Variants in NRXN1 observed in about 807,000 individuals in gnomAD.
NRXN1 encodes neurexin-1.
A neutral mutation model predicts 150.9 loss-of-function variants in NRXN1; 39 were observed. That is an observed-to-expected ratio of 0.26 (90% CI 0.20 to 0.34). The LOEUF (loss-of-function observed/expected upper bound fraction) is 0.34. NRXN1 is among the 10% of genes least tolerant of loss of function. The pLI is 1.00. For missense variants in NRXN1, 1,815 were observed against 1,949.9 expected (o/e 0.93, Z 1.30); for synonymous variants, 924 against 757.0 (o/e 1.22, Z -3.62).
intron 16 of NRXN1, among the ~76,000 whole-genome samples, chr2:50,470,503 C>T (rs1401744086): frequency 6.6e-6 from 1 of 151,766 alleles, no homozygotes; most frequent in African/African-American, 2.4e-5. Context: ...GAAACACATG[C>T]TGCACAGAGG....
rs373836694 is a variant in NRXN1, at chr2:50,481,920, T to C, written c.3071-9449A>G. On this transcript the variant is annotated intron_variant, in intron 15 of 22. Coordinates refer to ENST00000401669, the MANE Select transcript of NRXN1 (RefSeq NM_001330078.2). The stretch of plus-strand genomic sequence containing the variant: ...AGCTGGGACTACAGGCGCCCGCCAC[T>C]ACGCCCGGCTAATTTTTTTTTGTAT... Among the ~76,000 whole-genome samples, 39 of 145,428 alleles carry C rather than the reference T, an allele frequency of 2.7e-4. 1 individual carries two copies. In the East Asian group the frequency reaches 3.1e-3, roughly 12 times the overall value.
intron 21 of NRXN1, among the ~76,000 whole-genome samples, chr2:50,032,079 T>C (rs905422079): frequency 2.0e-5 from 3 of 152,050 alleles, no homozygotes; most frequent in Non-Finnish European, 2.9e-5. Context: ...ACCATTCAAT[T>C]AGAAAAGTAT....
chr2:50,197,542 A>G (rs1358692911), intron 18 of NRXN1, among the ~76,000 whole-genome samples: 5 of 152,046 alleles, frequency 3.3e-5, no homozygotes, highest in Admixed American at 6.6e-5. Flanking sequence ...CTTTTACACT[A>G]TTATATTTTG....
intron 17 of NRXN1, among the ~76,000 whole-genome samples, chr2:50,379,341 G>GC (rs1558631024): frequency 1.8e-4 from 28 of 151,926 alleles, no homozygotes; most frequent in Admixed American, 1.6e-3. Flanking sequence ...GAGAAAGGCT[G>GC]GAAAAAAAGG....
At chr2:50,288,971 G>C (rs1040689591) in intron 17 of NRXN1, among the ~76,000 whole-genome samples, 41 of 151,936 alleles carry the variant, frequency 2.7e-4, no homozygotes, top group African/African-American at 9.1e-4. Context: ...CAACAATTGA[G>C]CGGCTATAAG....
intron 18 of NRXN1, among the ~76,000 whole-genome samples, chr2:50,222,481 T>C (rs1377928272): frequency 6.6e-6 from 1 of 151,990 alleles, no homozygotes; most frequent in African/African-American, 2.4e-5. Context: ...TACAATGTTC[T>C]TAGAGGACAA....
At chr2:50,358,968 T>G (rs2079006101) in intron 17 of NRXN1, among the ~76,000 whole-genome samples, 1 of 151,668 alleles carries the variant, frequency 6.6e-6, no homozygotes, top group African/African-American at 2.4e-5. Flanking sequence ...CCCAGCAAAC[T>G]CCAGCAGAAC....
At chr2:50,506,831 G>T in intron 12 of NRXN1, 1 of 527,188 alleles carries the variant, frequency 1.9e-6, no homozygotes, top group South Asian at 2.8e-5. Context: ...AGCAAGCAAG[G>T]AAAATGACAA....
intron 3 of NRXN1, 41 bp from the exon 4 acceptor site, chr2:50,922,728 A>C (rs201427729): frequency 1.2e-6 from 2 of 1,603,692 alleles, no homozygotes; most frequent in Admixed American, 1.7e-5. Context: ...TAAACAAGGG[A>C]GCATGGGAAG....
intron 5 of NRXN1, among the ~76,000 whole-genome samples, chr2:50,805,925 C>T (rs1667450888): frequency 6.6e-6 from 1 of 152,148 alleles, no homozygotes; most frequent in South Asian, 2.1e-4. Flanking sequence ...ATTCTTTTCA[C>T]TACAGAACAT....
chr2:50,441,471 G>A (rs2085950408), intron 17 of NRXN1, among the ~76,000 whole-genome samples: 1 of 152,086 alleles, frequency 6.6e-6, no homozygotes, highest in African/African-American at 2.4e-5. Context: ...ACTTTAGTAT[G>A]ATATTAAAAT....
chr2:50,379,830 G>T (rs1354804340), intron 17 of NRXN1, among the ~76,000 whole-genome samples: 1 of 152,062 alleles, frequency 6.6e-6, no homozygotes, highest in Admixed American at 6.6e-5. Context: ...TAAAACATTT[G>T]TATCTCATTT....
intron 5 of NRXN1, among the ~76,000 whole-genome samples, chr2:50,849,612 T>C (rs921415838): frequency 1.3e-5 from 2 of 151,966 alleles, no homozygotes; most frequent in African/African-American, 4.8e-5. Flanking sequence ...AGTTCAGTTC[T>C]CTCTCTCTCT....
intron 5 of NRXN1, among the ~76,000 whole-genome samples, chr2:50,688,543 T>A (rs1691592863): frequency 6.6e-6 from 1 of 152,176 alleles, no homozygotes; most frequent in Non-Finnish European, 1.5e-5. Flanking sequence ...TTGTTTTGCC[T>A]GCCCCTGTAG....
chr2:50,072,472 A>G lies in NRXN1; in HGVS notation c.3719-17428T>C, dbSNP rs994300294. ...AAAACTCTAAAATTCTAAGTACCAA[A>G]GGACAAGCACATATTTATTCACACT... On this transcript the variant is annotated intron_variant, in intron 19 of 22. Transcript: ENST00000401669. Among the ~76,000 whole-genome samples, 57 of 152,036 alleles carry G rather than the reference A, an allele frequency of 3.7e-4. 1 individual carries two copies. Among genetic ancestry groups the G allele is most frequent in the African/African-American group, 1.3e-3 (54 of 41,408 alleles).
intron 17 of NRXN1, among the ~76,000 whole-genome samples, chr2:50,461,796 A>G (rs918410098): frequency 4.6e-5 from 7 of 151,986 alleles, no homozygotes; most frequent in African/African-American, 9.7e-5. Context: ...TCCATGGGAC[A>G]AAAGAGTTTT....
chr2:50,805,643 G>GA (rs1183475137), intron 5 of NRXN1, among the ~76,000 whole-genome samples: 38 of 152,034 alleles, frequency 2.5e-4, no homozygotes, highest in African/African-American at 8.9e-4. Context: ...CTGTCAAAAG[G>GA]ACGGAAGGAA....
At chr2:50,425,552 T>G (rs1367433113) in intron 17 of NRXN1, among the ~76,000 whole-genome samples, 1 of 152,176 alleles carries the variant, frequency 6.6e-6, no homozygotes, top group East Asian at 1.9e-4. Context: ...CATTTGGTAT[T>G]AAAGGCCAAC....
intron 2 of NRXN1, among the ~76,000 whole-genome samples, chr2:50,980,086 A>T (rs1323221538): frequency 6.6e-6 from 1 of 152,108 alleles, no homozygotes; most frequent in African/African-American, 2.4e-5. Flanking sequence ...CTATGGTTGG[A>T]ATGGTTTTAC....
Sources: allele counts gnomAD v4.1 joint callset (sites outside exome capture counted in the v4.1 genomes callset), GRCh38; gene constraint gnomAD v4.1.1; transcripts MANE v1.5; gene names NCBI Gene and HGNC (gene_info 2026-07-23, HGNC 2026-07-21).